Variants in COIL observed in about 807,000 individuals in gnomAD.
COIL encodes coilin.
In COIL, 28 loss-of-function variants were observed where a neutral mutation model predicts 51.6. The observed-to-expected ratio is 0.54, with a 90% CI of 0.40 to 0.74. The LOEUF (loss-of-function observed/expected upper bound fraction) is 0.74. Among genes scored for constraint, COIL ranks in the 30% least tolerant of loss-of-function variants. The probability of loss-of-function intolerance (pLI) is 0.00; values close to 1 mark genes in which losing one functional copy is unlikely to be tolerated. For missense variants in COIL, 667 were observed against 685.9 expected, an observed-to-expected ratio of 0.97 and a Z score of 0.31; for synonymous variants, 233 against 255.8, an observed-to-expected ratio of 0.91 and a Z score of 0.85.
intron 4 of COIL, among the ~76,000 whole-genome samples, chr17:56,947,638 T>A (rs1033214347): frequency 6.6e-6 from 1 of 152,186 alleles, no homozygotes; most frequent in South Asian, 2.1e-4. Context: ...GCCAGGCTCA[T>A]TTTTATATTT....
Position 56,952,693 on chromosome 17 carries a change from C to T in COIL, c.246-1697G>A, listed in dbSNP as rs536349908. ...AACTAGAAATATACCATTGGCTCTC[C>T]TTGGTCTATAGCTTACTAAGTGAAC... On this transcript the variant is annotated intron_variant, in intron 1 of 6. Coordinates refer to ENST00000240316, the MANE Select transcript of COIL (RefSeq NM_004645.3). Among the ~76,000 whole-genome samples, 4 of 152,214 alleles carry T rather than the reference C, an allele frequency of 2.6e-5. No homozygotes were observed. In the South Asian group the frequency reaches 8.3e-4, roughly 32 times the overall value.
intron 5 of COIL, among the ~76,000 whole-genome samples, chr17:56,946,170 G>A (rs554581737): frequency 1.3e-5 from 2 of 152,166 alleles, no homozygotes; most frequent in South Asian, 2.1e-4. Context: ...TTCAACTTAG[G>A]CTTCCTAGGA....
intron 1 of COIL, among the ~76,000 whole-genome samples, chr17:56,956,424 T>TGGG (rs144930914): frequency 4.6e-5 from 7 of 151,822 alleles, no homozygotes; most frequent in Non-Finnish European, 5.9e-5. Context: ...GTTTGTTTTT[T>TGGG]GGGGTTTTTT....
intron 1 of COIL, among the ~76,000 whole-genome samples, chr17:56,955,071 TTTTC>T (rs1432879895): frequency 6.6e-6 from 1 of 152,176 alleles, no homozygotes; most frequent in Non-Finnish European, 1.5e-5. Flanking sequence ...AGATCCCCAC[TTTTC>T]TTTTTTCGAG....
At chr17:56,959,512 C>T (rs932414295) in intron 1 of COIL, among the ~76,000 whole-genome samples, 1 of 152,126 alleles carries the variant, frequency 6.6e-6, no homozygotes, top group Non-Finnish European at 1.5e-5. Flanking sequence ...CTTCCAAAAG[C>T]ATATTTAAGA....
rs1910591834 is a variant in COIL at position 56,960,997 on chromosome 17, CT to C, written c.22del (p.Arg8GlyfsTer25). The C allele has an allele frequency of 6.2e-7, 1 of 1,613,838 alleles. No homozygotes were observed. Among genetic ancestry groups the C allele is most frequent in the Non-Finnish European group, 8.5e-7 (1 of 1,179,966 alleles). On this transcript the variant is annotated frameshift_variant, in exon 1 of 7. Transcript: ENST00000240316. LOFTEE classifies it high-confidence loss of function. MAASETV[R>X]LRLQFDYPPP... Reference sequence around the variant, plus strand: ...CGGGTAATCAAATTGAAGCCGTAGCCTAACCGTCTCGGAAGCTGCCATCTTG... The same window carrying C: ...CGGGTAATCAAATTGAAGCCGTAGCCAACCGTCTCGGAAGCTGCCATCTTG...
intron 3 of COIL, 94 bp from the exon 4 acceptor site, chr17:56,949,528 C>A: frequency 6.9e-7 from 1 of 1,453,432 alleles, no homozygotes; most frequent in East Asian, 2.3e-5. Context: ...CGTGTCCACC[C>A]CGACCAGTCT....
intron 4 of COIL, among the ~76,000 whole-genome samples, chr17:56,949,153 A>G (rs868484744): frequency 6.6e-6 from 1 of 152,148 alleles, no homozygotes; most frequent in Non-Finnish European, 1.5e-5. Flanking sequence ...AAAAGTAAAA[A>G]TTAAGCTCAT....
intron 4 of COIL, 130 bp from the exon 5 acceptor site, chr17:56,946,641 G>T: frequency 1.8e-6 from 1 of 567,976 alleles, no homozygotes. Context: ...TATCTCAGTT[G>T]AAAAATTTAG....
chr17:56,952,660 C>T (rs1424998640), intron 1 of COIL, among the ~76,000 whole-genome samples: 4 of 152,132 alleles, frequency 2.6e-5, no homozygotes, highest in Non-Finnish European at 5.9e-5. Context: ...CCTTCAAACT[C>T]GAACTTGAAC....
At chr17:56,942,541 A>G (rs367620184) in intron 5 of COIL, among the ~76,000 whole-genome samples, 1 of 151,864 alleles carries the variant, frequency 6.6e-6, no homozygotes, top group East Asian at 1.9e-4. Context: ...TTTAAGACAG[A>G]GTCCTGCTTT....
chr17:56,954,169 G>T (rs549608280), intron 1 of COIL, among the ~76,000 whole-genome samples: 1 of 152,284 alleles, frequency 6.6e-6, no homozygotes, highest in Non-Finnish European at 1.5e-5. Flanking sequence ...AACAGCACAT[G>T]TAACATCCAG....
At chr17:56,948,263 T>C (rs962791620) in intron 4 of COIL, among the ~76,000 whole-genome samples, 6 of 151,384 alleles carry the variant, frequency 4.0e-5, no homozygotes, top group Non-Finnish European at 7.4e-5. Context: ...GCCTCCTGAG[T>C]AGCTGGGACT....
intron 1 of COIL, among the ~76,000 whole-genome samples, chr17:56,953,525 G>A (rs1910422255): frequency 1.3e-5 from 2 of 151,984 alleles, no homozygotes; most frequent in Non-Finnish European, 2.9e-5. Context: ...AGGCTGCAGT[G>A]AGCTGTAATT....
intron 1 of COIL, among the ~76,000 whole-genome samples, chr17:56,958,396 G>A (rs913349241): frequency 6.6e-6 from 1 of 152,204 alleles, no homozygotes; most frequent in African/African-American, 2.4e-5. Context: ...AACAATGATT[G>A]TGGACATAAA....
chr17:56,939,568 G>A (rs535124109), intron 6 of COIL, among the ~76,000 whole-genome samples: 52 of 152,070 alleles, frequency 3.4e-4, no homozygotes, highest in Non-Finnish European at 5.4e-4. Flanking sequence ...TGGCCAACCT[G>A]TGTCTCTGCA....
intron 5 of COIL, among the ~76,000 whole-genome samples, chr17:56,945,996 G>A (rs1236338959): frequency 6.6e-6 from 1 of 152,192 alleles, no homozygotes; most frequent in African/African-American, 2.4e-5. Context: ...GATTACAGGT[G>A]TGAGCCACCG....
At position 56,950,139 on chromosome 17, in the gene COIL, C is replaced by G; in HGVS notation, c.1103G>C (p.Arg368Thr). The change falls in exon 2 of 7, where the codon AGG becomes ACG. Residue 368 changes from arginine to threonine, a missense_variant. Physicochemically the swap from Arg to Thr is moderately conservative, Grantham distance 71. Transcript: ENST00000240316. ...TCCACCACCATTTGAGCCAGAACGC[C>G]TCCATCCAGCAGCACCTGCAGTCTG... is the stretch of plus-strand genomic sequence containing the variant. Reference protein sequence around the residue: ...SSQTAGAAGWRRSGSNGGGQA... With the variant: ...SSQTAGAAGWTRSGSNGGGQA... 6.2e-7 allele frequency: 1 copy of G among 1,614,192 alleles called. No individual in the cohort carries two copies. Among genetic ancestry groups the G allele is most frequent in the Non-Finnish European group, 8.5e-7 (1 of 1,180,022 alleles).
intron 1 of COIL, among the ~76,000 whole-genome samples, chr17:56,960,235 T>C: frequency 8.5e-6 from 1 of 118,224 alleles, no homozygotes; most frequent in East Asian, 2.6e-4. Flanking sequence ...AAAATAAAAA[T>C]AATAGGGGCA....
Sources: allele counts gnomAD v4.1 joint callset (sites outside exome capture counted in the v4.1 genomes callset), GRCh38; gene constraint gnomAD v4.1.1; transcripts MANE v1.5; gene names NCBI Gene and HGNC (gene_info 2026-07-23, HGNC 2026-07-21).